The following FLVCR2 variants were observed in gnomAD, a reference collection of about 807,000 sequenced individuals.
FLVCR2 encodes choline/ethanolamine transporter FLVCR2.
FLVCR2 carries 38 observed loss-of-function variants against 48.9 expected under a neutral mutation model. The observed-to-expected ratio is 0.78, with a 90% CI of 0.60 to 1.02. The LOEUF (loss-of-function observed/expected upper bound fraction) is 1.02. Among genes scored for constraint, FLVCR2 ranks in the 50% least tolerant of loss-of-function variants. The pLI is 0.00. For missense variants in FLVCR2, 664 were observed against 663.3 expected, an observed-to-expected ratio of 1.00 and a Z score of -0.01; for synonymous variants, 255 against 257.0, an observed-to-expected ratio of 0.99 and a Z score of 0.07.
chr14:75,625,456 C>T (rs1889876485), intron 3 of FLVCR2, among the ~76,000 whole-genome samples: 1 of 151,912 alleles, frequency 6.6e-6, no homozygotes, highest in Non-Finnish European at 1.5e-5. Flanking sequence ...TTGGATCGAA[C>T]AAGGGCAAAG....
intron 4 of FLVCR2, among the ~76,000 whole-genome samples, chr14:75,633,960 C>T (rs1209221434): frequency 6.6e-6 from 1 of 151,128 alleles, no homozygotes; most frequent in East Asian, 1.9e-4. Context: ...GCAAAAGAAG[C>T]ATAATTGCTT....
chr14:75,629,414 A>G (rs893526420), intron 3 of FLVCR2, among the ~76,000 whole-genome samples: 2 of 152,234 alleles, frequency 1.3e-5, no homozygotes, highest in African/African-American at 4.8e-5. Flanking sequence ...AGAAACTGCC[A>G]GTAAAACACC....
chr14:75,618,905 C>T (rs1369448017), intron 1 of FLVCR2, among the ~76,000 whole-genome samples: 11 of 150,572 alleles, frequency 7.3e-5, no homozygotes, highest in African/African-American at 2.4e-4. Flanking sequence ...TTTTTTTGCC[C>T]TCTCTCTTTT....
chr14:75,603,095 A>C (rs1889204389), intron 1 of FLVCR2, among the ~76,000 whole-genome samples: 1 of 152,110 alleles, frequency 6.6e-6, no homozygotes, highest in African/African-American at 2.4e-5. Context: ...ACTAAATGGG[A>C]AACTTCCAGA....
chr14:75,583,946 C>T (rs1418143515), intron 1 of FLVCR2, among the ~76,000 whole-genome samples: 1 of 152,200 alleles, frequency 6.6e-6, no homozygotes, highest in African/African-American at 2.4e-5. Flanking sequence ...CAGTCTTCAG[C>T]TGCTAAGCCG....
chr14:75,642,529 A>T (rs1429352057), intron 9 of FLVCR2, among the ~76,000 whole-genome samples: 1 of 152,240 alleles, frequency 6.6e-6, no homozygotes, highest in Non-Finnish European at 1.5e-5. Context: ...GTTAGGTATC[A>T]AATCTGAGTG....
chr14:75,631,885 A>G (rs1220673658), intron 3 of FLVCR2: 3 of 455,418 alleles, frequency 6.6e-6, no homozygotes, highest in South Asian at 1.6e-5. Flanking sequence ...TGAGAGCCTC[A>G]TGATCATTGC....
At chr14:75,617,294 C>T (rs1026978561) in intron 1 of FLVCR2, among the ~76,000 whole-genome samples, 17 of 152,074 alleles carry the variant, frequency 1.1e-4, no homozygotes, top group African/African-American at 1.7e-4. Context: ...GGCCCTCAGA[C>T]GACATAGACA....
At chr14:75,623,282 G>A (rs575754679) in intron 2 of FLVCR2, among the ~76,000 whole-genome samples, 1 of 151,992 alleles carries the variant, frequency 6.6e-6, no homozygotes, top group East Asian at 1.9e-4. Flanking sequence ...ACACCTGGCC[G>A]GCCACTACTG....
chr14:75,598,999 G>A, intron 1 of FLVCR2, among the ~76,000 whole-genome samples: 1 of 152,196 alleles, frequency 6.6e-6, no homozygotes, highest in Middle Eastern at 3.2e-3. Flanking sequence ...GCAGTGGAGA[G>A]GAATGTCAGC....
At chr14:75,630,726 G>C (rs1890021131) in intron 3 of FLVCR2, among the ~76,000 whole-genome samples, 1 of 152,112 alleles carries the variant, frequency 6.6e-6, no homozygotes, top group African/African-American at 2.4e-5. Flanking sequence ...TTTGACAAAG[G>C]AGAGAAAGAG....
rs181975071 is a variant in FLVCR2 at position 75,639,987 on chromosome 14, G to A, written c.1235+525G>A. ...GTAAGAAATTAAAGTTGCCGGGTGC[G>A]GTGGCTTAACGCCTGTAATCCCAGC... On this transcript the variant is annotated intron_variant, in intron 6 of 9. Transcript: ENST00000238667. Among the ~76,000 whole-genome samples, 21 of 152,242 alleles carry A rather than the reference G, an allele frequency of 1.4e-4. No homozygotes were observed. In the East Asian group the frequency reaches 3.1e-3, roughly 22 times the overall value.
chr14:75,595,557 G>T (rs1383821827), intron 1 of FLVCR2, among the ~76,000 whole-genome samples: 2 of 152,178 alleles, frequency 1.3e-5, no homozygotes, highest in Non-Finnish European at 2.9e-5. Context: ...TGCAGTCCAG[G>T]GTTGTCATTT....
intron 1 of FLVCR2, among the ~76,000 whole-genome samples, chr14:75,614,546 A>G (rs1889558871): frequency 6.6e-6 from 1 of 152,238 alleles, no homozygotes; most frequent in South Asian, 2.1e-4. Flanking sequence ...GGATAAAGGT[A>G]TAGACGAGAT....
chr14:75,607,333 A>T (rs887596495), intron 1 of FLVCR2, among the ~76,000 whole-genome samples: 2 of 152,184 alleles, frequency 1.3e-5, no homozygotes, highest in African/African-American at 4.8e-5. Flanking sequence ...TGCTAGTGTT[A>T]AAAAAGGTAA....
chr14:75,602,377 G>T (rs1403366752), intron 1 of FLVCR2, among the ~76,000 whole-genome samples: 1 of 152,158 alleles, frequency 6.6e-6, no homozygotes, highest in Admixed American at 6.5e-5. Context: ...CCTGGAGGGG[G>T]TAGAGGGATG....
intron 1 of FLVCR2, among the ~76,000 whole-genome samples, chr14:75,594,920 G>GGTC (rs1888980786): frequency 2.0e-5 from 3 of 152,042 alleles, no homozygotes; most frequent in African/African-American, 7.2e-5. Flanking sequence ...GTCTTGCTAT[G>GGTC]TTGTGCAGGC....
At chr14:75,585,336 A>C (rs541877848) in intron 1 of FLVCR2, among the ~76,000 whole-genome samples, 2 of 152,330 alleles carry the variant, frequency 1.3e-5, no homozygotes, top group African/African-American at 4.8e-5. Context: ...GGACAGATCG[A>C]AAGTGCCATT....
At chr14:75,627,565 A>G (rs1175311900) in intron 3 of FLVCR2, among the ~76,000 whole-genome samples, 1 of 152,118 alleles carries the variant, frequency 6.6e-6, no homozygotes, top group African/African-American at 2.4e-5. Context: ...CATTGGAGGG[A>G]GCAAAGTCGA....
Sources: allele counts gnomAD v4.1 joint callset (sites outside exome capture counted in the v4.1 genomes callset), GRCh38; gene constraint gnomAD v4.1.1; transcripts MANE v1.5; gene names NCBI Gene and HGNC (gene_info 2026-07-23, HGNC 2026-07-21).